The following TMEM150C variants were observed in gnomAD, a reference collection of about 807,000 sequenced individuals.
TMEM150C encodes the protein tentonin 3.
A neutral mutation model predicts 29.9 loss-of-function variants in TMEM150C; 10 were observed. The observed-to-expected ratio is 0.33, with a 90% CI of 0.21 to 0.57. The LOEUF (loss-of-function observed/expected upper bound fraction) is 0.57, where lower values mean the gene tolerates loss of function less well. Ranked by LOEUF, TMEM150C falls within the 20% of genes least tolerant of loss-of-function variation. The pLI is 0.88. For synonymous variants in TMEM150C, 101 were observed against 112.5 expected, an observed-to-expected ratio of 0.90 and a Z score of 0.64; for missense variants, 251 against 303.6, an observed-to-expected ratio of 0.83 and a Z score of 1.29.
intron 1 of TMEM150C, among the ~76,000 whole-genome samples, chr4:82,553,131 G>A (rs182083795): frequency 6.6e-6 from 1 of 152,320 alleles, no homozygotes; most frequent in East Asian, 1.9e-4. Flanking sequence ...ACTCTTCAGT[G>A]TTCATGTAGA....
At chr4:82,491,648 G>A (rs1320437446) in intron 6 of TMEM150C, 12 of 544,566 alleles carry the variant, frequency 2.2e-5, no homozygotes, top group Non-Finnish European at 3.2e-5. Flanking sequence ...TTGGCAGCAG[G>A]AGGAGAGCGC....
chr4:82,525,097 G>C (rs1724611238), intron 1 of TMEM150C, among the ~76,000 whole-genome samples: 1 of 152,220 alleles, frequency 6.6e-6, no homozygotes, highest in African/African-American at 2.4e-5. Context: ...TTGGAGGTAG[G>C]AGGTGACCAT....
chr4:82,507,524 G>A (rs1237338756), intron 1 of TMEM150C, among the ~76,000 whole-genome samples: 8 of 149,300 alleles, frequency 5.4e-5, no homozygotes, highest in African/African-American at 9.8e-5. Context: ...TAAAGAATTC[G>A]CAATAGAGAA....
chr4:82,546,360 A>T (rs1377755030), intron 1 of TMEM150C, among the ~76,000 whole-genome samples: 3 of 152,230 alleles, frequency 2.0e-5, no homozygotes, highest in African/African-American at 7.2e-5. Context: ...AGTAACCAAA[A>T]CAGCATAGTA....
At chr4:82,508,319 TC>T (rs947126226) in intron 1 of TMEM150C, among the ~76,000 whole-genome samples, 5 of 152,062 alleles carry the variant, frequency 3.3e-5, no homozygotes, top group African/African-American at 1.2e-4. Flanking sequence ...TTGCATTTTT[TC>T]TTTAAAGAGA....
At chr4:82,531,496 C>T (rs1288840777) in intron 1 of TMEM150C, among the ~76,000 whole-genome samples, 1 of 152,144 alleles carries the variant, frequency 6.6e-6, no homozygotes, top group African/African-American at 2.4e-5. Flanking sequence ...GTGGCTCACA[C>T]CTGTAATCCC....
intron 1 of TMEM150C, among the ~76,000 whole-genome samples, chr4:82,557,723 C>T (rs867541083): frequency 1.7e-4 from 24 of 144,996 alleles, no homozygotes; most frequent in Non-Finnish European, 3.0e-4. Flanking sequence ...AGTGGTTTTT[C>T]TTTTCTTTTT....
intron 1 of TMEM150C, among the ~76,000 whole-genome samples, chr4:82,552,899 C>T (rs768566406): frequency 1.3e-5 from 2 of 152,178 alleles, no homozygotes; most frequent in Non-Finnish European, 2.9e-5. Context: ...CTGAAGAACC[C>T]AGTGGAAGGG....
At chr4:82,559,376 C>A (rs1301624920) in intron 1 of TMEM150C, among the ~76,000 whole-genome samples, 2 of 149,024 alleles carry the variant, frequency 1.3e-5, no homozygotes, top group Non-Finnish European at 3.0e-5. Flanking sequence ...AAAACCCCGT[C>A]TCTACTAAAA....
At chr4:82,545,087 T>C (rs561132382) in intron 1 of TMEM150C, among the ~76,000 whole-genome samples, 2 of 151,978 alleles carry the variant, frequency 1.3e-5, no homozygotes, top group East Asian at 3.9e-4. Flanking sequence ...GGTAAAGATG[T>C]AACAAAAAAA....
At chr4:82,561,542 A>G (rs1385672113) in intron 1 of TMEM150C, among the ~76,000 whole-genome samples, 3 of 148,700 alleles carry the variant, frequency 2.0e-5, no homozygotes, top group Non-Finnish European at 4.4e-5. Context: ...ACACCTGTCA[A>G]AGGACGGGGC....
chr4:82,491,108 G>T, intron 6 of TMEM150C: 1 of 703,544 alleles, frequency 1.4e-6, no homozygotes, highest in South Asian at 1.5e-5. Flanking sequence ...TACGACACAG[G>T]GCAGGCAGGA....
intron 1 of TMEM150C, among the ~76,000 whole-genome samples, chr4:82,511,784 C>A (rs936264717): frequency 7.9e-5 from 12 of 152,170 alleles, no homozygotes; most frequent in Non-Finnish European, 8.8e-5. Flanking sequence ...ACACTATTGA[C>A]AGAATAATCC....
At chr4:82,494,783 A>ATTTTTT (rs70964776) in intron 6 of TMEM150C, 7 of 188,102 alleles carry the variant, frequency 3.7e-5, no homozygotes, top group Admixed American at 5.8e-5. Context: ...AATGTTCCTA[A>ATTTTTT]TTTTTTTTTT....
intron 2 of TMEM150C, among the ~76,000 whole-genome samples, chr4:82,503,756 G>T (rs768090256): frequency 6.6e-6 from 1 of 151,918 alleles, no homozygotes; most frequent in Non-Finnish European, 1.5e-5. Context: ...AGGCTGAGGC[G>T]GGAGAATGGC....
intron 6 of TMEM150C, among the ~76,000 whole-genome samples, chr4:82,492,819 T>C (rs1578121203): frequency 1.5e-5 from 2 of 131,576 alleles, no homozygotes; most frequent in East Asian, 4.3e-4. Flanking sequence ...AACAACAAAG[T>C]CTATCCATAT....
chr4:82,552,508 G>T (rs1041920268), intron 1 of TMEM150C, among the ~76,000 whole-genome samples: 8 of 152,226 alleles, frequency 5.3e-5, no homozygotes, highest in Non-Finnish European at 8.8e-5. Context: ...GCCTTCATGT[G>T]TCCATTTCCC....
intron 1 of TMEM150C, among the ~76,000 whole-genome samples, chr4:82,537,276 C>T (rs770402151): frequency 6.6e-6 from 1 of 152,152 alleles, no homozygotes; most frequent in Admixed American, 6.5e-5. Flanking sequence ...TGAGCCACCG[C>T]GTCCGGCCCA....
intron 1 of TMEM150C, among the ~76,000 whole-genome samples, chr4:82,544,544 C>A (rs1003193886): frequency 4.6e-5 from 7 of 152,038 alleles, no homozygotes; most frequent in Non-Finnish European, 8.8e-5. Flanking sequence ...TTTGGGAGGC[C>A]CAGGCAGGTG....
Sources: allele counts gnomAD v4.1 joint callset (sites outside exome capture counted in the v4.1 genomes callset), GRCh38; gene constraint gnomAD v4.1.1; transcripts MANE v1.5; gene names NCBI Gene and HGNC (gene_info 2026-07-23, HGNC 2026-07-21).